CPNE4: variants seen among roughly 807,000 people sequenced by gnomAD.
The protein encoded by CPNE4 is copine 4, also known as copine-4.
CPNE4 carries 25 observed loss-of-function variants against 67.9 expected under a neutral mutation model. The ratio of observed to expected loss-of-function variants is 0.37; its 90% CI spans 0.27 to 0.51. CPNE4 has a LOEUF of 0.51. CPNE4 is among the 20% of genes least tolerant of loss of function. The probability of loss-of-function intolerance (pLI) is 0.93; values close to 1 mark genes in which losing one functional copy is unlikely to be tolerated. For missense variants in CPNE4, 464 were observed against 690.8 expected (o/e 0.67, Z 3.68); for synonymous variants, 242 against 244.9 (o/e 0.99, Z 0.11).
intron 1 of CPNE4, among the ~76,000 whole-genome samples, chr3:131,998,273 G>A (rs1039974476): frequency 1.3e-5 from 2 of 152,066 alleles, no homozygotes; most frequent in African/African-American, 4.8e-5. Context: ...AGAAAACCAT[G>A]GCCAATTGCT....
intron 1 of CPNE4, among the ~76,000 whole-genome samples, chr3:132,011,689 T>C (rs2073766779): frequency 6.6e-6 from 1 of 152,232 alleles, no homozygotes; most frequent in Admixed American, 6.5e-5. Context: ...AAGCAACTCA[T>C]AACATTTTTC....
intron 1 of CPNE4, among the ~76,000 whole-genome samples, chr3:131,947,646 T>C (rs1441919004): frequency 6.6e-6 from 1 of 152,226 alleles, no homozygotes; most frequent in African/African-American, 2.4e-5. Flanking sequence ...TTGATGGGCA[T>C]TTGGATTGAT....
At chr3:131,801,414 A>ATG (rs1560344419) in intron 2 of CPNE4, among the ~76,000 whole-genome samples, 4 of 20,004 alleles carry the variant, frequency 2.0e-4, no homozygotes, top group South Asian at 4.5e-3. Flanking sequence ...GTACATATAT[A>ATG]CGTGTGTGTG....
intron 7 of CPNE4, among the ~76,000 whole-genome samples, chr3:131,619,507 G>A (rs1317324414): frequency 6.6e-6 from 1 of 152,186 alleles, no homozygotes; most frequent in Non-Finnish European, 1.5e-5. Flanking sequence ...TTTGTGTGCG[G>A]TGAAATGCAC....
At chr3:131,865,697 G>A (rs1243559597) in intron 2 of CPNE4, among the ~76,000 whole-genome samples, 1 of 152,196 alleles carries the variant, frequency 6.6e-6, no homozygotes, top group African/African-American at 2.4e-5. Context: ...GTATTGAGTA[G>A]CATGCCATAC....
At chr3:131,860,403 T>C (rs907248399) in intron 2 of CPNE4, among the ~76,000 whole-genome samples, 9 of 152,178 alleles carry the variant, frequency 5.9e-5, no homozygotes, top group African/African-American at 1.9e-4. Context: ...ATTTTAATTA[T>C]AGCTATAAAA....
intron 2 of CPNE4, among the ~76,000 whole-genome samples, chr3:131,764,467 C>G (rs530352010): frequency 6.6e-6 from 1 of 151,930 alleles, no homozygotes; most frequent in Non-Finnish European, 1.5e-5. Context: ...AGAAATGAAA[C>G]AATTGGAAGT....
In CPNE4 at chr3:131,784,551, G is replaced by A. The variant is rs77161330; in HGVS notation, c.181-60926C>T. Among the ~76,000 whole-genome samples, 972 of 152,202 alleles carry A rather than the reference G, an allele frequency of 6.4e-3. 10 individuals are homozygous for A. The highest frequency in any genetic ancestry group is 0.022 in the African/African-American group (930 of 41,552). Reference sequence around the variant, plus strand: ...CATTGAGGGGTAACCCTGAACCCATGAGATTCAAAAACTGAAGGGTTAACG... The same window carrying A: ...CATTGAGGGGTAACCCTGAACCCATAAGATTCAAAAACTGAAGGGTTAACG... On this transcript the variant is annotated intron_variant, in intron 2 of 15. Coordinates refer to ENST00000429747, the MANE Select transcript of CPNE4 (RefSeq NM_130808.3).
chr3:131,672,670 C>T (rs2080451375), intron 6 of CPNE4, among the ~76,000 whole-genome samples: 1 of 151,906 alleles, frequency 6.6e-6, no homozygotes, highest in Non-Finnish European at 1.5e-5. Flanking sequence ...TTGCCCATTT[C>T]CAAATTGAAT....
intron 1 of CPNE4, among the ~76,000 whole-genome samples, chr3:131,940,236 T>C (rs1284510935): frequency 6.6e-6 from 1 of 152,152 alleles, no homozygotes; most frequent in African/African-American, 2.4e-5. Context: ...TGCTCATACA[T>C]AATGTATGAA....
chr3:132,037,661 C>A, upstream of CPNE4: 2 of 1,495,496 alleles, frequency 1.3e-6, no homozygotes, highest in East Asian at 2.5e-5. Flanking sequence ...CCTGGTGTTC[C>A]CAAGTTGCAA....
At chr3:131,736,538 T>C (rs1033596128) in intron 2 of CPNE4, among the ~76,000 whole-genome samples, 1 of 149,004 alleles carries the variant, frequency 6.7e-6, no homozygotes, top group Non-Finnish European at 1.5e-5. Flanking sequence ...GGGAATCACT[T>C]GAACCCGGGA....
intron 1 of CPNE4, among the ~76,000 whole-genome samples, chr3:131,958,355 G>A (rs531812629): frequency 3.4e-4 from 52 of 152,236 alleles, no homozygotes; most frequent in African/African-American, 1.2e-3. Flanking sequence ...AATGGTCTCA[G>A]TGTGGTCCTT....
At chr3:132,032,727 G>A (rs1237389320) in intron 1 of CPNE4, among the ~76,000 whole-genome samples, 4 of 26,816 alleles carry the variant, frequency 1.5e-4, no homozygotes, top group Admixed American at 6.2e-4. Context: ...TTAAAAATGG[G>A]CAGGTGAATG....
intron 7 of CPNE4, among the ~76,000 whole-genome samples, chr3:131,630,649 A>G (rs2079196353): frequency 6.6e-6 from 1 of 152,206 alleles, no homozygotes; most frequent in Non-Finnish European, 1.5e-5. Flanking sequence ...GCCATATTTC[A>G]AGTCCTCAGG....
At chr3:131,820,800 T>C (rs185176271) in intron 2 of CPNE4, among the ~76,000 whole-genome samples, 4 of 152,268 alleles carry the variant, frequency 2.6e-5, no homozygotes, top group African/African-American at 9.6e-5. Context: ...ACTGTACAGT[T>C]GAAGAAACAA....
rs779423021 is a variant in CPNE4 at position 131,963,623 on chromosome 3, G to A, written c.-1-58179C>T. Among the ~76,000 whole-genome samples the A allele has an allele frequency of 5.4e-4, 82 of 152,310 alleles. 1 individual carries two copies. The highest frequency in any genetic ancestry group is 1.6e-3 in the African/African-American group (68 of 41,564). ...CACTCACAGTGTTAAGCAAGCTGCC[G>A]GGAAGTTCGGCAAAACTCACCGCAG... On this transcript the variant is annotated intron_variant, in intron 1 of 15. Transcript: ENST00000429747.
At chr3:131,969,280 G>A (rs1401416759) in intron 1 of CPNE4, among the ~76,000 whole-genome samples, 2 of 151,874 alleles carry the variant, frequency 1.3e-5, no homozygotes, top group African/African-American at 2.4e-5. Context: ...CCTAGCTGAC[G>A]GGTTGATGGG....
chr3:131,778,517 C>T (rs1265838982), intron 2 of CPNE4, among the ~76,000 whole-genome samples: 1 of 152,086 alleles, frequency 6.6e-6, no homozygotes, highest in Non-Finnish European at 1.5e-5. Flanking sequence ...ATGTAAAATA[C>T]AGCTTCTGGC....
Sources: gnomAD v4.1 joint callset for allele counts (sites outside exome capture counted in the v4.1 genomes callset) on GRCh38, gnomAD v4.1.1 for gene constraint, MANE v1.5 for transcripts, NCBI Gene and HGNC (gene_info 2026-07-23, HGNC 2026-07-21) for gene names.